TNFSF4: variants seen among roughly 807,000 people sequenced by gnomAD.
The protein encoded by TNFSF4 is TNF superfamily member 4.
TNFSF4 carries 4 observed loss-of-function variants against 7.3 expected under a neutral mutation model. That is an observed-to-expected ratio of 0.55 (90% CI 0.27 to 1.25). The LOEUF is 1.25. Among genes scored for constraint, TNFSF4 ranks in the 50% most tolerant of loss-of-function variants. The pLI is 0.12. For synonymous variants in TNFSF4, 76 were observed against 83.7 expected, an observed-to-expected ratio of 0.91 and a Z score of 0.50; for missense variants, 181 against 208.8, an observed-to-expected ratio of 0.87 and a Z score of 0.82.
chr1:173,387,233 GA>G, the TNFSF4 span, among the ~76,000 whole-genome samples: 1 of 152,176 alleles, frequency 6.6e-6, no homozygotes, highest in Non-Finnish European at 1.5e-5. Context: ...AATTCATGTT[GA>G]AACTGAATCC....
the TNFSF4 span, among the ~76,000 whole-genome samples, chr1:173,299,784 G>T: frequency 6.6e-6 from 1 of 151,844 alleles, no homozygotes; most frequent in African/African-American, 2.4e-5. Flanking sequence ...TATGAATTAG[G>T]ATTCCACCTG....
At chr1:173,342,683 C>T in the TNFSF4 span, among the ~76,000 whole-genome samples, 1 of 152,186 alleles carries the variant, frequency 6.6e-6, no homozygotes, top group Non-Finnish European at 1.5e-5. Context: ...TAACCTCCTA[C>T]ACACTAAGGA....
the TNFSF4 span, among the ~76,000 whole-genome samples, chr1:173,283,388 G>A: frequency 6.6e-6 from 1 of 152,188 alleles, no homozygotes; most frequent in East Asian, 1.9e-4. Context: ...GATCAGTATT[G>A]CAGATAACTG....
At chr1:173,306,037 T>G in the TNFSF4 span, among the ~76,000 whole-genome samples, 1 of 151,216 alleles carries the variant, frequency 6.6e-6, no homozygotes, top group African/African-American at 2.5e-5. Flanking sequence ...AATATGTTAA[T>G]CTACTCCAAC....
At chr1:173,202,260 G>T (rs1649978737) in intron 1 of TNFSF4, among the ~76,000 whole-genome samples, 1 of 152,066 alleles carries the variant, frequency 6.6e-6, no homozygotes, top group African/African-American at 2.4e-5. Context: ...TCTCCTCTGT[G>T]TGTGTATATT....
chr1:173,354,277 C>T, the TNFSF4 span, among the ~76,000 whole-genome samples: 2 of 152,014 alleles, frequency 1.3e-5, no homozygotes, highest in Non-Finnish European at 2.9e-5. Context: ...TAGACCTTCC[C>T]AAAACTGAAC....
chr1:173,349,146 A>G, the TNFSF4 span, among the ~76,000 whole-genome samples: 13 of 152,110 alleles, frequency 8.5e-5, no homozygotes, highest in South Asian at 2.7e-3. Flanking sequence ...CTCCTGTCTC[A>G]GCCTCCCGAG....
the TNFSF4 span, among the ~76,000 whole-genome samples, chr1:173,255,180 A>C: frequency 1.3e-5 from 2 of 152,172 alleles, no homozygotes; most frequent in Admixed American, 1.3e-4. Flanking sequence ...AAGGGTCAAA[A>C]AGAATGTGTG....
the TNFSF4 span, among the ~76,000 whole-genome samples, chr1:173,251,748 G>C: frequency 6.6e-6 from 1 of 152,186 alleles, no homozygotes; most frequent in Admixed American, 6.5e-5. Flanking sequence ...AGAGTACCTG[G>C]GAAATTGTCA....
At chr1:173,250,450 T>A in the TNFSF4 span, among the ~76,000 whole-genome samples, 1 of 149,598 alleles carries the variant, frequency 6.7e-6, no homozygotes, top group South Asian at 2.1e-4. Context: ...CCAGTTTCAT[T>A]TTTTGTTTTT....
At chr1:173,248,438 A>C in the TNFSF4 span, among the ~76,000 whole-genome samples, 1 of 150,822 alleles carries the variant, frequency 6.6e-6, no homozygotes, top group Non-Finnish European at 1.5e-5. Flanking sequence ...AGAAAGAAAG[A>C]GAGGAGAAAG....
the TNFSF4 span, among the ~76,000 whole-genome samples, chr1:173,395,034 AGATGATAGATAG>A: frequency 2.1e-4 from 16 of 77,674 alleles, no homozygotes; most frequent in Admixed American, 4.1e-4. Context: ...ATAGATAGAT[AGATGATAGATAG>A]ATAGATAGAT....
chr1:173,266,841 G>A, the TNFSF4 span, among the ~76,000 whole-genome samples: 9 of 152,102 alleles, frequency 5.9e-5, no homozygotes, highest in Admixed American at 5.9e-4. Context: ...GGGGGATCCA[G>A]GAACTACTTA....
chr1:173,422,843 T>G, the TNFSF4 span, among the ~76,000 whole-genome samples: 1 of 152,208 alleles, frequency 6.6e-6, no homozygotes. Context: ...ACTTCTTCCA[T>G]CTTCAACCAA....
the TNFSF4 span, among the ~76,000 whole-genome samples, chr1:173,450,323 C>T: frequency 6.6e-6 from 1 of 152,048 alleles, no homozygotes; most frequent in East Asian, 1.9e-4. Context: ...CTCTAGGCCC[C>T]AGTGGTTTCA....
the TNFSF4 span, among the ~76,000 whole-genome samples, chr1:173,401,062 T>C: frequency 6.6e-6 from 1 of 152,194 alleles, no homozygotes; most frequent in Non-Finnish European, 1.5e-5. Context: ...TTTCCTCTCT[T>C]ACTCCCTTAT....
the TNFSF4 span, among the ~76,000 whole-genome samples, chr1:173,404,897 G>T: frequency 6.6e-6 from 1 of 151,986 alleles, no homozygotes; most frequent in African/African-American, 2.4e-5. Context: ...CTTCCTAAGT[G>T]CTGGGATTAC....
At chr1:173,334,934 C>T in the TNFSF4 span, among the ~76,000 whole-genome samples, 1 of 151,996 alleles carries the variant, frequency 6.6e-6, no homozygotes, top group Non-Finnish European at 1.5e-5. Flanking sequence ...GTGGTGTGCA[C>T]TCCAAAAGAA....
chr1:173,406,884 T>A, the TNFSF4 span, among the ~76,000 whole-genome samples: 3 of 152,112 alleles, frequency 2.0e-5, no homozygotes, highest in African/African-American at 7.2e-5. Context: ...GGAGAGCCTG[T>A]GGCCGTGGGG....
Sources: allele counts gnomAD v4.1 joint callset (sites outside exome capture counted in the v4.1 genomes callset), GRCh38; gene constraint gnomAD v4.1.1; transcripts MANE v1.5; gene names NCBI Gene and HGNC (gene_info 2026-07-23, HGNC 2026-07-21).